MGAT4C: variants seen among roughly 807,000 people sequenced by gnomAD.
MGAT4C encodes MGAT4 family member C, also known as alpha-1,3-mannosyl-glycoprotein 4-beta-N-acetylglucosaminyltransferase C.
In MGAT4C, 19 loss-of-function variants were observed where a neutral mutation model predicts 40.1. That is an observed-to-expected ratio of 0.47 (90% CI 0.33 to 0.70). The LOEUF (loss-of-function observed/expected upper bound fraction) is 0.70, where lower values mean the gene tolerates loss of function less well. MGAT4C is among the 30% of genes least tolerant of loss of function. The pLI, the probability that MGAT4C is intolerant of heterozygous loss-of-function variation, is 0.02. For synonymous variants in MGAT4C, 181 were observed against 187.1 expected (o/e 0.97, Z 0.27); for missense variants, 491 against 563.2 (o/e 0.87, Z 1.30).
chr12:86,548,091 T>G (rs1243413971), intron 2 of MGAT4C, among the ~76,000 whole-genome samples: 2 of 152,132 alleles, frequency 1.3e-5, no homozygotes, highest in Non-Finnish European at 2.9e-5. Flanking sequence ...TGTATGTGTA[T>G]TTTATAGTTG....
At position 85,957,205 on chromosome 12, in the gene MGAT4C, T is replaced by C. The variant is rs1004622901; in HGVS notation, c.*22084A>G. 5.9e-5 allele frequency: 9 copies of C among 152,294 alleles called. No homozygotes were observed. Among genetic ancestry groups the C allele is most frequent in the Admixed American group, 6.5e-5 (1 of 15,288 alleles). The allele number at this position is 152,294 out of a possible 1,614,324, so 9.4% of individuals were successfully genotyped here. A position where few individuals can be genotyped will look rare whatever the true frequency, so the allele number is the denominator to read the frequency against. The stretch of plus-strand genomic sequence containing the variant: ...TGCTACCTGGGCTAAAAGCAGGAAG[T>C]TGAGGAAAGTTTATGTTTAATTTTT... On this transcript the variant is annotated 3_prime_UTR_variant, in exon 5 of 5. Transcript: ENST00000611864.
Position 86,066,576 on chromosome 12 carries a change from A to G in MGAT4C, c.-56-16853T>C, listed in dbSNP as rs2137021419. 2.0e-5 allele frequency among the ~76,000 whole-genome samples: 3 copies of G among 152,328 alleles called. No homozygotes were observed. In the Middle Eastern group the frequency reaches 0.01, roughly 518 times the overall value. ...AAAATTACCTCAAGATGGATTAAAT[A>G]CGTATATGTATGACCTAAAACCATA... On this transcript the variant is annotated intron_variant, in intron 1 of 4. Coordinates refer to ENST00000611864, the MANE Select transcript of MGAT4C (RefSeq NM_001351288.2).
chr12:86,061,624 C>A (rs1893978947), intron 1 of MGAT4C, among the ~76,000 whole-genome samples: 2 of 152,098 alleles, frequency 1.3e-5, no homozygotes, highest in Non-Finnish European at 1.5e-5. Flanking sequence ...GATCCACTGG[C>A]TTGAAATTCT....
At chr12:86,465,532 A>C (rs1176906929) in intron 2 of MGAT4C, among the ~76,000 whole-genome samples, 3 of 151,546 alleles carry the variant, frequency 2.0e-5, no homozygotes. Flanking sequence ...CTCAACAATA[A>C]AAAGCAAAAA....
At chr12:86,783,662 T>G (rs1951883507) in intron 1 of MGAT4C, among the ~76,000 whole-genome samples, 6 of 152,184 alleles carry the variant, frequency 3.9e-5, no homozygotes. Flanking sequence ...TGAAGTTTTG[T>G]ATTTTGGAGG....
intron 3 of MGAT4C, among the ~76,000 whole-genome samples, chr12:86,370,440 T>C (rs774604577): frequency 6.6e-6 from 1 of 152,116 alleles, no homozygotes; most frequent in East Asian, 1.9e-4. Context: ...ATAGCACTAG[T>C]ATGGAAAAAC....
chr12:86,167,585 GACC>G (rs1886324820), intron 1 of MGAT4C, among the ~76,000 whole-genome samples: 1 of 152,118 alleles, frequency 6.6e-6, no homozygotes, highest in Non-Finnish European at 1.5e-5. Context: ...ATCTGGTGAG[GACC>G]ATCCCATAGC....
intron 1 of MGAT4C, among the ~76,000 whole-genome samples, chr12:86,835,819 T>C (rs181788700): frequency 3.3e-5 from 5 of 151,856 alleles, no homozygotes; most frequent in Admixed American, 6.6e-5. Context: ...AAAATAGACA[T>C]GTGATAATAT....
At chr12:86,172,111 G>A (rs1466800027) in intron 1 of MGAT4C, among the ~76,000 whole-genome samples, 1 of 152,106 alleles carries the variant, frequency 6.6e-6, no homozygotes, top group Admixed American at 6.5e-5. Context: ...ATCTCAGGAG[G>A]TTGTTATATG....
At chr12:86,190,795 C>T (rs573399037) in intron 1 of MGAT4C, among the ~76,000 whole-genome samples, 3 of 151,984 alleles carry the variant, frequency 2.0e-5, no homozygotes, top group Non-Finnish European at 4.4e-5. Flanking sequence ...CTTTAAACAA[C>T]TCTACCTTAA....
chr12:86,799,515 A>G (rs1565997691), intron 1 of MGAT4C, among the ~76,000 whole-genome samples: 1 of 151,770 alleles, frequency 6.6e-6, no homozygotes, highest in Admixed American at 6.6e-5. Flanking sequence ...CATTATGTCA[A>G]TTTTCTTTTA....
At chr12:86,612,316 T>C (rs1962309702) in intron 2 of MGAT4C, among the ~76,000 whole-genome samples, 1 of 152,164 alleles carries the variant, frequency 6.6e-6, no homozygotes, top group Non-Finnish European at 1.5e-5. Flanking sequence ...GGCCTAACTA[T>C]CATTTCTATT....
intron 2 of MGAT4C, among the ~76,000 whole-genome samples, chr12:86,474,683 CT>C (rs544380561): frequency 5.7e-4 from 84 of 147,188 alleles, no homozygotes; most frequent in African/African-American, 1.5e-3. Context: ...TTCAGGTTTT[CT>C]TTTTTTTTTA....
In MGAT4C at chr12:86,421,340, A is replaced by G. The variant is rs1013824252; in HGVS notation, c.-120+13817T>C. 2.6e-5 allele frequency among the ~76,000 whole-genome samples: 4 copies of G among 152,328 alleles called. No homozygotes were observed. In the South Asian group the frequency reaches 8.3e-4, roughly 32 times the overall value. ...AAGTTAGGCCCATGGTACATTCATC[A>G]AATTCATTATTCTTTACATATTGAT... On this transcript the variant is annotated intron_variant, in intron 3 of 7. Coordinates refer to the MGAT4C transcript ENST00000548651.
intron 2 of MGAT4C, among the ~76,000 whole-genome samples, chr12:86,708,475 TC>T (rs1189770779): frequency 6.6e-6 from 1 of 152,088 alleles, no homozygotes; most frequent in Non-Finnish European, 1.5e-5. Context: ...CCACACAGAA[TC>T]CCTCTGGGGC....
At chr12:86,822,561 T>C (rs890518780) in intron 1 of MGAT4C, among the ~76,000 whole-genome samples, 1 of 85,250 alleles carries the variant, frequency 1.2e-5, no homozygotes, top group African/African-American at 3.2e-5. Flanking sequence ...TCAGACAAAA[T>C]AGACTTCAAG....
chr12:86,190,343 C>G (rs1873087780), intron 1 of MGAT4C, among the ~76,000 whole-genome samples: 1 of 152,046 alleles, frequency 6.6e-6, no homozygotes, highest in Admixed American at 6.6e-5. Flanking sequence ...GATAATTCAA[C>G]TTTTCCAGGT....
intron 2 of MGAT4C, among the ~76,000 whole-genome samples, chr12:86,459,990 A>G (rs944919609): frequency 1.3e-5 from 2 of 152,100 alleles, no homozygotes; most frequent in East Asian, 3.9e-4. Flanking sequence ...TAGTATTCAG[A>G]CATCTTTAGT....
At chr12:86,611,963 G>A (rs1292485984) in intron 2 of MGAT4C, among the ~76,000 whole-genome samples, 1 of 152,056 alleles carries the variant, frequency 6.6e-6, no homozygotes, top group African/African-American at 2.4e-5. Flanking sequence ...TTGAATTTAT[G>A]TGGAAACATC....
Sources: allele counts gnomAD v4.1 joint callset (sites outside exome capture counted in the v4.1 genomes callset), GRCh38; gene constraint gnomAD v4.1.1; transcripts MANE v1.5; gene names NCBI Gene and HGNC (gene_info 2026-07-23, HGNC 2026-07-21).